The following NIN variants were observed in gnomAD, a reference collection of about 807,000 sequenced individuals.
The protein encoded by NIN is ninein.
Under a neutral mutation model 257.6 loss-of-function variants are expected in NIN, and 137 were observed. The observed-to-expected ratio is 0.53, with a 90% confidence interval of 0.46 to 0.61. The LOEUF (loss-of-function observed/expected upper bound fraction) is 0.61. Among genes scored for constraint, NIN ranks in the 20% least tolerant of loss-of-function variants. The probability of loss-of-function intolerance (pLI) is 0.00; values close to 1 mark genes in which losing one functional copy is unlikely to be tolerated. For synonymous variants in NIN, 918 were observed against 919.8 expected (o/e 1.00, Z 0.04); for missense variants, 2,439 against 2,501.2 (o/e 0.98, Z 0.53).
chr14:50,827,393 T>C (rs2045502825), intron 2 of NIN, among the ~76,000 whole-genome samples: 3 of 152,088 alleles, frequency 2.0e-5, no homozygotes, highest in South Asian at 4.1e-4. Context: ...GTGAATGAAA[T>C]CATGATACAA....
rs191365660 is a variant in NIN at position 50,818,745 on chromosome 14, C to T, written c.183+3129G>A. ...CGCATTTCAAACACCTGTACAGTAACCACCTTGCTCAGGTGAATATGGTTT... is the reference window on the plus strand; with the variant it reads ...CGCATTTCAAACACCTGTACAGTAATCACCTTGCTCAGGTGAATATGGTTT... On this transcript the variant is annotated intron_variant, in intron 3 of 30. Transcript: ENST00000530997. Among the ~76,000 whole-genome samples the T allele has an allele frequency of 1.5e-3, 228 of 152,254 alleles. 1 individual carries two copies. Among genetic ancestry groups the T allele is most frequent in the Middle Eastern group, 3.4e-3 (1 of 294 alleles).
At chr14:50,779,865 C>T (rs957457707) in intron 5 of NIN, among the ~76,000 whole-genome samples, 1 of 152,034 alleles carries the variant, frequency 6.6e-6, no homozygotes, top group Non-Finnish European at 1.5e-5. Context: ...AGAGATGCAA[C>T]TTAAAATAAG....
At chr14:50,803,752 T>C (rs1450037852) in intron 4 of NIN, among the ~76,000 whole-genome samples, 2 of 152,186 alleles carry the variant, frequency 1.3e-5, no homozygotes, top group Non-Finnish European at 2.9e-5. Context: ...ATTTAAGGGA[T>C]AGTTACTTCC....
At position 50,792,726 on chromosome 14, in the gene NIN, C is replaced by A. The variant is rs143800977; in HGVS notation, c.421G>T (p.Gly141Cys). ...CGATTCCTTACCTCACTGCAGTCACCGGCTGGGATGTGTGAAGGCCGCGCT... is the reference window on the plus strand; with the variant it reads ...CGATTCCTTACCTCACTGCAGTCACAGGCTGGGATGTGTGAAGGCCGCGCT... ...EEARPSHIPA[G>C]DCSEHWKTQR... Residue 141 changes from glycine to cysteine, a missense_variant, in exon 5 of 31, where the codon GGT becomes TGT. Physicochemically the swap from Gly to Cys is radical, Grantham distance 159 (BLOSUM62 -3). This residue lies in a region of NIN where 387 missense variants were observed against 427.3 expected (regional missense o/e 0.91). Transcript: ENST00000530997. 3 of 1,614,144 alleles carry A rather than the reference C, an allele frequency of 1.9e-6. No individual in the cohort carries two copies. The highest frequency in any genetic ancestry group is 1.1e-5 in the South Asian group (1 of 91,076).
chr14:50,757,045 GA>G lies in NIN; in HGVS notation c.3984del (p.Gln1329LysfsTer24). On this transcript the variant is annotated frameshift_variant, in exon 18 of 31. Coordinates refer to ENST00000530997, the MANE Select transcript of NIN (RefSeq NM_020921.4). LOFTEE classifies it high-confidence loss of function. The part of the protein sequence containing the change: ...NEGLNVLVLR[L>X]QGKIEKLQES... The stretch of plus-strand genomic sequence containing the variant: ...TCCTGAAGCTTCTCAATCTTGCCTT[GA>G]AGTCTCAAAACCAGAACATTCAGCC... 2 of 1,613,672 alleles carry G rather than the reference GA, an allele frequency of 1.2e-6. No homozygotes were observed. Among genetic ancestry groups the G allele is most frequent in the Non-Finnish European group, 1.7e-6 (2 of 1,179,876 alleles).
intron 7 of NIN, 31 bp downstream of exon 7, chr14:50,776,918 T>C: frequency 6.3e-7 from 1 of 1,577,208 alleles, no homozygotes; most frequent in Non-Finnish European, 8.6e-7. Flanking sequence ...TTACCATCAT[T>C]ATCATTCCTG....
chr14:50,772,840 C>A, intron 8 of NIN, 109 bp downstream of exon 8: 1 of 892,828 alleles, frequency 1.1e-6, no homozygotes, highest in East Asian at 2.6e-5. Context: ...CTTTTGCTTC[C>A]CTCTCTTTCC....
intron 4 of NIN, among the ~76,000 whole-genome samples, chr14:50,801,571 G>A (rs1215681794): frequency 1.3e-5 from 2 of 152,172 alleles, no homozygotes; most frequent in African/African-American, 4.8e-5. Context: ...CCAGACTTCA[G>A]TGCCTAACCC....
At position 50,730,380 on chromosome 14, in the gene NIN, T is replaced by C. The variant is rs201927318; in HGVS notation, c.5878-657A>G. On this transcript the variant is annotated intron_variant, in intron 28 of 30. Coordinates refer to ENST00000530997, the MANE Select transcript of NIN (RefSeq NM_020921.4). ...ATGTGTACCAACATGCCAGTCAAAG[T>C]GGGGGAGAGGAAAGGGAGGACGATG... Among the ~76,000 whole-genome samples, 3 of 151,762 alleles carry C rather than the reference T, an allele frequency of 2.0e-5. No homozygotes were observed. In the East Asian group the frequency reaches 5.8e-4, roughly 29 times the overall value.
intron 5 of NIN, among the ~76,000 whole-genome samples, chr14:50,790,214 C>T (rs1343974755): frequency 6.6e-6 from 1 of 152,122 alleles, no homozygotes; most frequent in East Asian, 1.9e-4. Context: ...CACCACCATG[C>T]TCAGTTAATT....
chr14:50,789,514 C>T (rs191765958), intron 5 of NIN, among the ~76,000 whole-genome samples: 4 of 152,208 alleles, frequency 2.6e-5, no homozygotes, highest in Admixed American at 1.3e-4. Context: ...GAGCTTCCAA[C>T]GAGCCGAGGT....
At chr14:50,776,417 A>G (rs1206884895) in intron 7 of NIN, among the ~76,000 whole-genome samples, 1 of 152,168 alleles carries the variant, frequency 6.6e-6, no homozygotes. Context: ...GCTCTCACCC[A>G]AGGCTCTCTT....
chr14:50,748,387 A>C (rs1288923995), intron 21 of NIN, among the ~76,000 whole-genome samples: 2 of 152,204 alleles, frequency 1.3e-5, no homozygotes, highest in Non-Finnish European at 1.5e-5. Context: ...CAAAAGCTGG[A>C]AGCATTCCCT....
intron 3 of NIN, among the ~76,000 whole-genome samples, chr14:50,807,024 GA>G (rs2044361859): frequency 6.6e-6 from 1 of 152,016 alleles, no homozygotes; most frequent in Non-Finnish European, 1.5e-5. Flanking sequence ...CATTCATATC[GA>G]TATTTATTCA....
rs142365406 is a variant in NIN, at chr14:50,758,002, T to C, written c.3028A>G (p.Thr1010Ala). 6.2e-7 allele frequency: 1 copy of C among 1,614,104 alleles called. No individual in the cohort carries two copies. The highest frequency in any genetic ancestry group is 8.5e-7 in the Non-Finnish European group (1 of 1,180,048). The change falls in exon 18 of 31, where the codon ACA (threonine) becomes GCA (alanine). Residue 1010 changes from threonine to alanine, a missense_variant. By Grantham distance (58) the Thr-to-Ala change is moderately conservative. This residue lies in a region of NIN where 2,043 missense variants were observed against 2,050.2 expected (regional missense o/e 1.00). Coordinates refer to ENST00000530997, the MANE Select transcript of NIN (RefSeq NM_020921.4). ...TTACTCTGAAGTCTGGAGATTTCTG[T>C]GCTCATCTCGGCTCTTTCTCGATCT... ...TADRERAEMS[T>A]EISRLQSKIK...
chr14:50,775,293 T>C (rs572272731), intron 7 of NIN, among the ~76,000 whole-genome samples: 1 of 152,192 alleles, frequency 6.6e-6, no homozygotes, highest in Non-Finnish European at 1.5e-5. Context: ...GCATCGGGCA[T>C]GCTGGTTTGC....
At chr14:50,802,306 TA>T in intron 4 of NIN, among the ~76,000 whole-genome samples, 1 of 152,298 alleles carries the variant, frequency 6.6e-6, no homozygotes, top group East Asian at 1.9e-4. Context: ...AATTGCTTTT[TA>T]GGGGAAAAAC....
chr14:50,784,820 A>G (rs569248033), intron 5 of NIN, among the ~76,000 whole-genome samples: 2 of 152,216 alleles, frequency 1.3e-5, no homozygotes, highest in Non-Finnish European at 2.9e-5. Flanking sequence ...TTCCAATTCA[A>G]CTTAGGATCA....
intron 22 of NIN, among the ~76,000 whole-genome samples, chr14:50,746,392 T>C (rs2041540739): frequency 1.3e-5 from 2 of 152,190 alleles, no homozygotes; most frequent in African/African-American, 4.8e-5. Flanking sequence ...ATAGCAGTAG[T>C]TAACTTGAAA....
Sources: gnomAD v4.1 joint callset for allele counts (sites outside exome capture counted in the v4.1 genomes callset) on GRCh38, gnomAD v4.1.1 for gene constraint, gnomAD v4.1.1 regional missense constraint, MANE v1.5 for transcripts, NCBI Gene and HGNC (gene_info 2026-07-23, HGNC 2026-07-21) for gene names.